The following XIRP1 variants were observed in gnomAD, a reference collection of about 807,000 sequenced individuals.
XIRP1 encodes xin actin binding repeat containing 1.
For missense variants in XIRP1, 2,378 were observed against 2,345.4 expected (o/e 1.01, Z -0.29); for synonymous variants, 984 against 947.0 (o/e 1.04, Z -0.72).
Position 39,189,318 on chromosome 3 carries a change from G to A in XIRP1, c.128C>T (p.Ser43Phe). The change falls in exon 2 of 2, where the codon TCC becomes TTC. Residue 43 changes from serine to phenylalanine, a missense_variant. Transcript: ENST00000340369. ...AGCTTGCCGCTGCTGATGGAACTTGGAGAAGGATTCCTTGGGTGGCGGCAG... is the reference window on the plus strand; with the variant it reads ...AGCTTGCCGCTGCTGATGGAACTTGAAGAAGGATTCCTTGGGTGGCGGCAG... ...LPLPPPKESFSKFHQQRQASE... is the reference protein window; with the variant it reads ...LPLPPPKESFFKFHQQRQASE... 1.2e-6 allele frequency: 2 copies of A among 1,605,846 alleles called. No homozygotes were observed. Among genetic ancestry groups the A allele is most frequent in the Non-Finnish European group, 1.7e-6 (2 of 1,175,578 alleles).
chr3:39,189,587 G>A, intron 1 of XIRP1, 62 bp from the exon 2 acceptor site: 2 of 1,298,296 alleles, frequency 1.5e-6, no homozygotes, highest in Non-Finnish European at 1.0e-6. Context: ...CTTACGCTTA[G>A]AGACTCCTTC....
chr3:39,187,104 G>A lies in XIRP1; in HGVS notation c.2342C>T (p.Thr781Ile). Reference sequence around the variant, plus strand: ...GCCTCCATGGTGCAGGATGCCAGGTGTGGCATGCAGAGTCCGCAGGGTCCC... The same window carrying A: ...GCCTCCATGGTGCAGGATGCCAGGTATGGCATGCAGAGTCCGCAGGGTCCC... ...AEGTLRTLHATPGILHHGGIL... is the reference protein window; with the variant it reads ...AEGTLRTLHAIPGILHHGGIL... Residue 781 changes from threonine to isoleucine, a missense_variant, in exon 2 of 2, where the codon ACA becomes ATA. Transcript: ENST00000340369. 2 of 1,613,532 alleles carry A rather than the reference G, an allele frequency of 1.2e-6. No homozygotes were observed. Among genetic ancestry groups the A allele is most frequent in the South Asian group, 1.1e-5 (1 of 91,078 alleles).
chr3:39,187,964 A>G lies in XIRP1; in HGVS notation c.1482T>C (p.His494=). 2 of 1,614,168 alleles carry G rather than the reference A, an allele frequency of 1.2e-6. No homozygotes were observed. Among genetic ancestry groups the G allele is most frequent in the Non-Finnish European group, 8.5e-7 (1 of 1,180,026 alleles). Residue 494 remains histidine (H), a synonymous_variant, in exon 2 of 2, where the codon CAT becomes CAC. Coordinates refer to ENST00000340369, the MANE Select transcript of XIRP1 (RefSeq NM_194293.4). The part of the protein sequence containing the change: ...YAMQDSKGRL[H]ALTSVSREQI... ...GCTCTCTGCTAACAGAGGTCAGGGC[A>G]TGGAGGCGGCCCTTGCTGTCCTGCA...
rs1179365549 is a variant in XIRP1, at chr3:39,187,238, G to A, written c.2208C>T (p.Pro736=). 1 of 1,585,246 alleles carries A rather than the reference G, an allele frequency of 6.3e-7. No individual in the cohort carries two copies. The highest frequency in any genetic ancestry group is 1.8e-5 in the Admixed American group (1 of 56,816). ...HKFTWLFENC[P]MGSLAAESIQ... is the part of the protein sequence containing the mutation. Reference sequence around the variant, plus strand: ...TGCTCTCAGCTGCCAGGGAGCCCATGGGACAATTCTCAAAAAGCCAAGTGA... The same window carrying A: ...TGCTCTCAGCTGCCAGGGAGCCCATAGGACAATTCTCAAAAAGCCAAGTGA... Residue 736 remains proline, a synonymous_variant, in exon 2 of 2, where the codon CCC becomes CCT. Coordinates refer to ENST00000340369, the MANE Select transcript of XIRP1 (RefSeq NM_194293.4).
Position 39,184,352 on chromosome 3 carries a change from G to A in XIRP1, c.5094C>T (p.Ser1698=). 4 of 1,614,162 alleles carry A rather than the reference G, an allele frequency of 2.5e-6. No homozygotes were observed. The highest frequency in any genetic ancestry group is 3.4e-6 in the Non-Finnish European group (4 of 1,180,046). ...FKGNPDVSVK[S]TQLAQDIGQA... ...GGCCTATGTCCTGAGCCAGTTGTGT[G>A]CTTTTCACTGAGACATCAGGGTTGC... Residue 1698 remains serine, a synonymous_variant, in exon 2 of 2, where the codon AGC becomes AGT. Transcript: ENST00000340369.
chr3:39,186,113 G>A lies in XIRP1; in HGVS notation c.3333C>T (p.Pro1111=), dbSNP rs764763404. The stretch of plus-strand genomic sequence containing the variant: ...CCTTTCTGGGGGCTGCTGGGATCCG[G>A]GGATCACTTCCACCCCCAGGCCTTA... The part of the protein sequence containing the change: ...SNIRPGGGSD[P]RIPAAPRKVS... Residue 1111 remains proline, a synonymous_variant, in exon 2 of 2, where the codon CCC becomes CCT. Transcript: ENST00000340369. 1.9e-5 allele frequency: 30 copies of A among 1,613,456 alleles called. No homozygotes were observed. The highest frequency in any genetic ancestry group is 2.4e-5 in the Non-Finnish European group (28 of 1,179,554).
intron 1 of XIRP1, among the ~76,000 whole-genome samples, chr3:39,190,421 A>G (rs528039944): frequency 1.3e-5 from 2 of 152,216 alleles, no homozygotes; most frequent in African/African-American, 2.4e-5. Context: ...GAACCCGTCT[A>G]TTCCCCAGCA....
Position 39,189,574 on chromosome 3 carries a change from T to G in XIRP1, c.-80-49A>C, listed in dbSNP as rs1002663223. ...GGCTCAGAGTCAGAGTAGCTCTGGG[T>G]GACTTACGCTTAGAGACTCCTTCCC... is the stretch of plus-strand genomic sequence containing the variant. On this transcript the variant is annotated intron_variant, in intron 1 of 1. Coordinates refer to ENST00000340369, the MANE Select transcript of XIRP1 (RefSeq NM_194293.4). 5.7e-6 allele frequency: 8 copies of G among 1,398,164 alleles called. No individual in the cohort carries two copies. In the African/African-American group the frequency reaches 5.8e-5, roughly 10 times the overall value. The allele number at this position is 1,398,164 out of a possible 1,614,324, so 86.6% of individuals were successfully genotyped here.
rs61736135 is a variant in XIRP1, at chr3:39,187,705, G to T, written c.1741C>A (p.Pro581Thr). The change falls in exon 2 of 2, where the codon CCC becomes ACC. Residue 581 changes from proline (P) to threonine (T), a missense_variant. Pro to Thr is a conservative substitution (Grantham distance 38). Transcript: ENST00000340369. Reference protein sequence around the residue: ...QKEEGKSQGDPQPEAPPKGDV... With the variant: ...QKEEGKSQGDTQPEAPPKGDV... ...CCCTTTGGGGGTGCCTCAGGCTGGG[G>T]GTCTCCCTGACTCTTCCCTTCTTCT... is the stretch of plus-strand genomic sequence containing the variant. 16,152 of 1,614,008 alleles carry T rather than the reference G, an allele frequency of 0.01. 98 individuals are homozygous for T. The highest frequency in any genetic ancestry group is 0.012 in the Non-Finnish European group (14,015 of 1,180,028).
chr3:39,187,413 C>G lies in XIRP1; in HGVS notation c.2033G>C (p.Arg678Pro), dbSNP rs143151548. The G allele has an allele frequency of 6.2e-7, 1 of 1,614,090 alleles. No individual in the cohort carries two copies. Among genetic ancestry groups the G allele is most frequent in the African/African-American group, 1.3e-5 (1 of 74,934 alleles). Residue 678 changes from arginine (R) to proline (P), a missense_variant, in exon 2 of 2, where the codon CGG becomes CCG. Coordinates refer to ENST00000340369, the MANE Select transcript of XIRP1 (RefSeq NM_194293.4). The stretch of plus-strand genomic sequence containing the variant: ...CACGCGGCTGCAGTATCTCACAGGC[C>G]GTCTTCCACAGGGACGGCCTGAGGC... ...LQASGRPCGR[R>P]PVRYCSRVEI... is the part of the protein sequence containing the mutation.
At position 39,184,376 on chromosome 3, in the gene XIRP1, G is replaced by T; in HGVS notation, c.5070C>A (p.Gly1690=). The T allele has an allele frequency of 1.2e-6, 2 of 1,614,196 alleles. No individual in the cohort carries two copies. Among genetic ancestry groups the T allele is most frequent in the Non-Finnish European group, 1.7e-6 (2 of 1,180,044 alleles). The part of the protein sequence containing the change: ...RKPLETPSFK[G]NPDVSVKSTQ... ...TGCTTTTCACTGAGACATCAGGGTT[G>T]CCCTTAAAGCTGGGAGTCTCTAGAG... Residue 1690 remains glycine, a synonymous_variant, in exon 2 of 2, where the codon GGC becomes GGA. Coordinates refer to ENST00000340369, the MANE Select transcript of XIRP1 (RefSeq NM_194293.4).
Position 39,189,359 on chromosome 3 carries a change from G to A in XIRP1, c.87C>T (p.Ala29=), listed in dbSNP as rs752598772. Residue 29 remains alanine (A), a synonymous_variant, in exon 2 of 2, where the codon GCC becomes GCT. Coordinates refer to ENST00000340369, the MANE Select transcript of XIRP1 (RefSeq NM_194293.4). ...GTGGCGGCAGTGGCAGGTCCTCCAG[G>A]GCTGGGGGTGGAGGGAGGGGCAGGT... ...AEDLPLPPPP[A]LEDLPLPPPK... is the part of the protein sequence containing the mutation. The A allele has an allele frequency of 2.5e-6, 4 of 1,612,650 alleles. No homozygotes were observed. Among genetic ancestry groups the A allele is most frequent in the Middle Eastern group, 1.7e-4 (1 of 6,060 alleles).
In XIRP1 at chr3:39,185,278, A is replaced by T; in HGVS notation, c.4168T>A (p.Cys1390Ser). The change falls in exon 2 of 2, where the codon TGT becomes AGT. Residue 1390 changes from cysteine (C) to serine (S), a missense_variant. Coordinates refer to ENST00000340369, the MANE Select transcript of XIRP1 (RefSeq NM_194293.4). ...VDQGHIPLAR[C>S]PSGHSQPSLQ... ...CTGGGCTGGCTATGTCCACTGGGAC[A>T]TCTGGCCAGAGGTATGTGGCCCTGG... The T allele has an allele frequency of 6.2e-7, 1 of 1,614,184 alleles. No individual in the cohort carries two copies. Among genetic ancestry groups the T allele is most frequent in the South Asian group, 1.1e-5 (1 of 91,090 alleles).
rs752305043 is a variant in XIRP1, at chr3:39,186,972, C to T, written c.2474G>A (p.Gly825Asp). 8.1e-6 allele frequency: 13 copies of T among 1,606,532 alleles called. No homozygotes were observed. The South Asian group carries it at 1.4e-4, about 18-fold the overall frequency. The change falls in exon 2 of 2, where the codon GGT (glycine) becomes GAT (aspartate). Residue 825 changes from glycine to aspartate, a missense_variant. Transcript: ENST00000340369. ...PYIRKEELVS[G>D]ELPRIICQVL... ...TTGGCAGATGATCCTGGGAAGTTCA[C>T]CTGACACCAGCTCCTCCTTTCGTAT...
rs113903336 is a variant in XIRP1, at chr3:39,183,987, C to T, written c.5459G>A (p.Gly1820Glu). ...LLRQFLHSPA[G>E]FSSDLTEAET... is the part of the protein sequence containing the mutation. ...AGCTTCTGTCAGGTCACTGCTGAACCCAGCTGGGCTGTGCAGGAACTGCCT... is the reference window on the plus strand; with the variant it reads ...AGCTTCTGTCAGGTCACTGCTGAACTCAGCTGGGCTGTGCAGGAACTGCCT... The change falls in exon 2 of 2, where the codon GGG becomes GAG. Residue 1820 changes from glycine to glutamate, a missense_variant. Transcript: ENST00000340369. 7.4e-6 allele frequency: 12 copies of T among 1,612,714 alleles called. No homozygotes were observed. The highest frequency in any genetic ancestry group is 5.3e-5 in the African/African-American group (4 of 75,010).
chr3:39,186,586 G>A lies in XIRP1; in HGVS notation c.2860C>T (p.Pro954Ser). 6.2e-7 allele frequency: 1 copy of A among 1,610,788 alleles called. No individual in the cohort carries two copies. Among genetic ancestry groups the A allele is most frequent in the Non-Finnish European group, 8.5e-7 (1 of 1,178,028 alleles). Residue 954 changes from proline to serine, a missense_variant, in exon 2 of 2, where the codon CCA (proline) becomes TCA (serine). Transcript: ENST00000340369. Reference sequence around the variant, plus strand: ...TGGGCCCCCTCGCTGGCTGGCACTGGACTCGGGTCAGCCGGGGGCTCCCAC... The same window carrying A: ...TGGGCCCCCTCGCTGGCTGGCACTGAACTCGGGTCAGCCGGGGGCTCCCAC... ...LRWEPPADPSPVPASEGAQSL... is the reference protein window; with the variant it reads ...LRWEPPADPSSVPASEGAQSL...
Position 39,183,968 on chromosome 3 carries a change from T to C in XIRP1, c.5478A>G (p.Thr1826=). The C allele has an allele frequency of 6.2e-7, 1 of 1,612,282 alleles. No individual in the cohort carries two copies. Among genetic ancestry groups the C allele is most frequent in the Non-Finnish European group, 8.5e-7 (1 of 1,179,918 alleles). The change falls in exon 2 of 2, where the codon ACA becomes ACG. Residue 1826 remains threonine, a synonymous_variant. Transcript: ENST00000340369. ...HSPAGFSSDL[T]EAETVQVSCS... is the part of the protein sequence containing the mutation. Reference sequence around the variant, plus strand: ...AGGACACCTGCACCGTCTCAGCTTCTGTCAGGTCACTGCTGAACCCAGCTG... The same window carrying C: ...AGGACACCTGCACCGTCTCAGCTTCCGTCAGGTCACTGCTGAACCCAGCTG...
Position 39,184,771 on chromosome 3 carries a change from T to C in XIRP1, c.4675A>G (p.Ser1559Gly). ...TCAGGCTGGAGGCTAGACATGGAGCTGAGTGCCTTGTGCACAGCCTCTTCA... is the reference window on the plus strand; with the variant it reads ...TCAGGCTGGAGGCTAGACATGGAGCCGAGTGCCTTGTGCACAGCCTCTTCA... Reference protein sequence around the residue: ...DIEEAVHKALSSMSSLQPEAS... With the variant: ...DIEEAVHKALGSMSSLQPEAS... Residue 1559 changes from serine to glycine, a missense_variant, in exon 2 of 2, where the codon AGC (serine) becomes GGC (glycine). Ser to Gly is a moderately conservative substitution (Grantham distance 56, BLOSUM62 0). Transcript: ENST00000340369. 3 of 1,614,258 alleles carry C rather than the reference T, an allele frequency of 1.9e-6. No individual in the cohort carries two copies. Among genetic ancestry groups the C allele is most frequent in the East Asian group, 2.2e-5 (1 of 44,880 alleles).
intron 1 of XIRP1, among the ~76,000 whole-genome samples, chr3:39,190,341 T>A (rs920797307): frequency 3.9e-5 from 6 of 152,108 alleles, no homozygotes; most frequent in African/African-American, 1.2e-4. Flanking sequence ...TTGGGGTCCC[T>A]AGACTCCATT....
Sources: gnomAD v4.1 joint callset for allele counts (sites outside exome capture counted in the v4.1 genomes callset) on GRCh38, gnomAD v4.1.1 for gene constraint, MANE v1.5 for transcripts, NCBI Gene and HGNC (gene_info 2026-07-23, HGNC 2026-07-21) for gene names.